The following CR1 variants were observed in gnomAD, a reference collection of about 807,000 sequenced individuals.
The protein encoded by CR1 is complement receptor type 1.
Under a neutral mutation model 187.3 loss-of-function variants are expected in CR1, and 116 were observed. The ratio of observed to expected loss-of-function variants is 0.62; its 90% CI spans 0.53 to 0.72. The LOEUF (loss-of-function observed/expected upper bound fraction) is 0.72, where lower values mean the gene tolerates loss of function less well. Among genes scored for constraint, CR1 ranks in the 30% least tolerant of loss-of-function variants. CR1 has a pLI of 0.00. For missense variants in CR1, 1,731 were observed against 2,110.7 expected (o/e 0.82, Z 3.52); for synonymous variants, 576 against 747.1 (o/e 0.77, Z 3.73).
At chr1:207,578,981 C>A (rs151200071) in intron 29 of CR1, among the ~76,000 whole-genome samples, 8 of 152,328 alleles carry the variant, frequency 5.3e-5, no homozygotes, top group Non-Finnish European at 1.2e-4. Context: ...CCATCCACGT[C>A]CTACATTTTA....
At chr1:207,608,797 A>G (rs1661825013) in intron 36 of CR1, among the ~76,000 whole-genome samples, 1 of 152,184 alleles carries the variant, frequency 6.6e-6, no homozygotes, top group Non-Finnish European at 1.5e-5. Context: ...ATATGTGAAT[A>G]TTATTATCTT....
At chr1:207,636,567 A>G (rs1662819993) in intron 46 of CR1, among the ~76,000 whole-genome samples, 2 of 152,172 alleles carry the variant, frequency 1.3e-5, no homozygotes, top group South Asian at 4.1e-4. Context: ...CCAATTTTTG[A>G]TCAATACCAG....
At chr1:207,606,048 C>G (rs1343108208) in intron 35 of CR1, 1 of 152,170 alleles carries the variant, frequency 6.6e-6, no homozygotes, top group Non-Finnish European at 1.5e-5. Flanking sequence ...ACTTCTGTCT[C>G]AGGTTAAAAA....
At chr1:207,617,602 TATATATATATAGAGAGAGAGAGAGAGAG>T (rs1416000504) in intron 41 of CR1, among the ~76,000 whole-genome samples, 456 of 30,064 alleles carry the variant, frequency 0.015, 4 homozygotes, top group East Asian at 0.03. Context: ...TATATATATA[TATATATATATAGAGAGAGAGAGAGAGAG>T]AGAGAGAGAG....
chr1:207,582,014 G>A lies in CR1; in HGVS notation c.5302+11G>A. ...TTCCTGTGTGTGAACGTGAGTAGAT[G>A]GAATACTTGTTCAGTCTGGATCTTT... On this transcript the variant is annotated intron_variant, in intron 32 of 46. Transcript: ENST00000367049. 1 of 1,582,776 alleles carries A rather than the reference G, an allele frequency of 6.3e-7. No individual in the cohort carries two copies. Among genetic ancestry groups the A allele is most frequent in the Non-Finnish European group, 8.7e-7 (1 of 1,153,262 alleles).
intron 46 of CR1, among the ~76,000 whole-genome samples, chr1:207,636,097 G>A (rs776907725): frequency 1.3e-5 from 2 of 151,564 alleles, no homozygotes; most frequent in African/African-American, 2.4e-5. Flanking sequence ...CGACAAAACC[G>A]CCATCATCAT....
At chr1:207,574,581 CACAA>C (rs1445366686) in intron 27 of CR1, among the ~76,000 whole-genome samples, 1 of 152,036 alleles carries the variant, frequency 6.6e-6, no homozygotes, top group Non-Finnish European at 1.5e-5. Flanking sequence ...AAAAAATACA[CACAA>C]AAACTCGGCA....
At chr1:207,624,713 A>C (rs947838539) in intron 45 of CR1, among the ~76,000 whole-genome samples, 4 of 152,148 alleles carry the variant, frequency 2.6e-5, no homozygotes, top group Non-Finnish European at 4.4e-5. Flanking sequence ...TTTCCATTAC[A>C]AAAAGAAAAG....
At chr1:207,622,858 A>G in intron 44 of CR1, 135 bp from the exon 45 acceptor site, 1 of 639,950 alleles carries the variant, frequency 1.6e-6, no homozygotes, top group Non-Finnish European at 2.7e-6. Flanking sequence ...AACCCAGAGT[A>G]AAGCAGAATG....
chr1:207,618,213 G>A lies in CR1; in HGVS notation c.7032G>A (p.Gln2344=). 6.2e-7 allele frequency: 1 copy of A among 1,613,642 alleles called. No individual in the cohort carries two copies. Residue 2344 remains glutamine (Q), a synonymous_variant, in exon 42 of 47, where the codon CAG becomes CAA. Coordinates refer to ENST00000367049, the MANE Select transcript of CR1 (RefSeq NM_000651.6). The part of the protein sequence containing the change: ...VGKGFIFCTD[Q]GIWSQLDHYC... The stretch of plus-strand genomic sequence containing the variant: ...AGGGCTTCATTTTCTGTACAGACCA[G>A]GGAATCTGGAGCCAATTGGATCATT...
intron 35 of CR1, among the ~76,000 whole-genome samples, chr1:207,602,038 A>C (rs576027929): frequency 6.6e-6 from 1 of 152,250 alleles, no homozygotes; most frequent in South Asian, 2.1e-4. Context: ...GTTGCACACT[A>C]TATCATTTCC....
intron 2 of CR1, 38 bp from the exon 3 acceptor site, chr1:207,506,676 A>G (rs1393310999): frequency 1.3e-6 from 2 of 1,583,158 alleles, no homozygotes; most frequent in Admixed American, 1.7e-5. Flanking sequence ...TTTTTAGTTT[A>G]CTCTACTTGG....
At chr1:207,567,716 T>A in intron 24 of CR1, 108 bp from the exon 25 acceptor site, 1 of 1,410,324 alleles carries the variant, frequency 7.1e-7, no homozygotes, top group South Asian at 1.2e-5. Flanking sequence ...ATGTCTACTG[T>A]CATCTCCTTA....
Position 207,565,904 on chromosome 1 carries a change from C to T in CR1, c.3933C>T (p.Ser1311=), listed in dbSNP as rs1660479788. 1 of 1,611,008 alleles carries T rather than the reference C, an allele frequency of 6.2e-7. No homozygotes were observed. The highest frequency in any genetic ancestry group is 1.4e-5 in the African/African-American group (1 of 72,356). Residue 1311 remains serine, a synonymous_variant, in exon 24 of 47, where the codon AGC becomes AGT. Coordinates refer to ENST00000367049, the MANE Select transcript of CR1 (RefSeq NM_000651.6). ...CTGGAATGGAAAGCCTTTGGAATAG[C>T]AGTGTTCCAGTGTGTGAACGTGAGT... ...VLAGMESLWN[S]SVPVCEQIFC... is the part of the protein sequence containing the mutation.
intron 35 of CR1, among the ~76,000 whole-genome samples, chr1:207,603,014 A>G (rs899862028): frequency 6.6e-6 from 1 of 152,108 alleles, no homozygotes; most frequent in African/African-American, 2.4e-5. Flanking sequence ...AAGATATAAT[A>G]TTTTATTTAA....
intron 5 of CR1, among the ~76,000 whole-genome samples, chr1:207,525,574 A>G (rs1328263729): frequency 6.6e-6 from 1 of 151,924 alleles, no homozygotes; most frequent in Non-Finnish European, 1.5e-5. Context: ...CCACTTCTAG[A>G]AGTAGAACAG....
chr1:207,504,130 A>C (rs1164122970), intron 1 of CR1, among the ~76,000 whole-genome samples: 1 of 152,196 alleles, frequency 6.6e-6, no homozygotes, highest in Non-Finnish European at 1.5e-5. Flanking sequence ...AATGTGTTCT[A>C]ATTGACAGCT....
intron 1 of CR1, among the ~76,000 whole-genome samples, chr1:207,503,092 T>C (rs1013210929): frequency 6.6e-6 from 1 of 152,216 alleles, no homozygotes; most frequent in Admixed American, 6.5e-5. Context: ...TACCCTTTTC[T>C]AAGGGTAATA....
At position 207,641,399 on chromosome 1, in the gene CR1, T is replaced by C. The variant is rs775075906; in HGVS notation, c.*1990T>C. The C allele has an allele frequency of 3.3e-5, 5 of 152,212 alleles. No individual in the cohort carries two copies. Among genetic ancestry groups the C allele is most frequent in the Non-Finnish European group, 7.4e-5 (5 of 68,024 alleles). The allele number at this position is 152,212 out of a possible 1,614,324, so 9.4% of individuals were successfully genotyped here. A position where few individuals can be genotyped will look rare whatever the true frequency, so the allele number is the denominator to read the frequency against. On this transcript the variant is annotated 3_prime_UTR_variant, in exon 47 of 47. Coordinates refer to ENST00000367049, the MANE Select transcript of CR1 (RefSeq NM_000651.6). ...CTCTGTTACCCAGGCTGGAGTGCAGTGGTGCTATCTAGGCTTACTGCAACC... is the reference window on the plus strand; with the variant it reads ...CTCTGTTACCCAGGCTGGAGTGCAGCGGTGCTATCTAGGCTTACTGCAACC...
Sources: gnomAD v4.1 joint callset for allele counts (sites outside exome capture counted in the v4.1 genomes callset) on GRCh38, gnomAD v4.1.1 for gene constraint, MANE v1.5 for transcripts, NCBI Gene and HGNC (gene_info 2026-07-23, HGNC 2026-07-21) for gene names.